RBFOX1: variants seen among roughly 807,000 people sequenced by gnomAD.
The protein encoded by RBFOX1 is RNA binding protein fox-1 homolog 1.
A neutral mutation model predicts 57.7 loss-of-function variants in RBFOX1; 8 were observed. The observed-to-expected ratio is 0.14, with a 90% confidence interval of 0.08 to 0.25. The LOEUF (loss-of-function observed/expected upper bound fraction) is 0.25. RBFOX1 is among the 10% of genes least tolerant of loss of function. The pLI is 1.00. For synonymous variants in RBFOX1, 326 were observed against 222.4 expected, an observed-to-expected ratio of 1.47 and a Z score of -4.15; for missense variants, 611 against 548.5, an observed-to-expected ratio of 1.11 and a Z score of -1.14.
chr16:6,477,280 C>T (rs117854911), intron 2 of RBFOX1, among the ~76,000 whole-genome samples: 2,619 of 152,174 alleles, frequency 0.017, 36 homozygotes, highest in Non-Finnish European at 0.027. Flanking sequence ...CAGAAGAATC[C>T]GTGTTTATGG....
intron 2 of RBFOX1, among the ~76,000 whole-genome samples, chr16:6,345,470 C>T (rs376095729): frequency 6.6e-6 from 1 of 152,160 alleles, no homozygotes. Flanking sequence ...GGCTGGTGTG[C>T]ATGTCTAATG....
At chr16:7,279,059 T>A (rs2095493728) in intron 4 of RBFOX1, among the ~76,000 whole-genome samples, 1 of 152,034 alleles carries the variant, frequency 6.6e-6, no homozygotes, top group Admixed American at 6.5e-5. Context: ...TTTTATCTAA[T>A]TCTAAAAGTG....
chr16:6,564,661 C>T (rs201613377), intron 2 of RBFOX1, among the ~76,000 whole-genome samples: 1 of 152,020 alleles, frequency 6.6e-6, no homozygotes, highest in East Asian at 1.9e-4. Flanking sequence ...AAATGGAGAG[C>T]TGTTGGTCAA....
rs546290152 is a variant in RBFOX1, at chr16:7,494,276, T to C, written c.28-23871T>C. Among the ~76,000 whole-genome samples, 118 of 152,268 alleles carry C rather than the reference T, an allele frequency of 7.7e-4. 1 individual carries two copies. Among genetic ancestry groups the C allele is most frequent in the African/African-American group, 2.6e-3 (109 of 41,554 alleles). On this transcript the variant is annotated intron_variant, in intron 4 of 15. Transcript: ENST00000550418. The stretch of plus-strand genomic sequence containing the variant: ...CATCCCATTAAATGCTTTTAGGTGA[T>C]TCAGAACCAAAGCTCAATTCAGTAT...
intron 1 of RBFOX1, among the ~76,000 whole-genome samples, chr16:6,296,051 C>G (rs947502217): frequency 1.3e-5 from 2 of 152,172 alleles, no homozygotes; most frequent in African/African-American, 2.4e-5. Flanking sequence ...GGAAGCTGAG[C>G]CCAGGATCTT....
intron 4 of RBFOX1, among the ~76,000 whole-genome samples, chr16:7,113,094 C>T (rs552957081): frequency 1.3e-5 from 2 of 152,272 alleles, no homozygotes; most frequent in Admixed American, 1.3e-4. Flanking sequence ...TTGCTTCAGG[C>T]ACATGTTGAA....
intron 2 of RBFOX1, among the ~76,000 whole-genome samples, chr16:6,335,374 G>T (rs530694267): frequency 6.6e-6 from 1 of 152,172 alleles, no homozygotes; most frequent in Non-Finnish European, 1.5e-5. Flanking sequence ...CCTCAGAGAA[G>T]AGAGCCAGGA....
rs544974048 is a variant in RBFOX1, at chr16:6,696,515, G to A, written c.-16+41865G>A. Among the ~76,000 whole-genome samples the A allele has an allele frequency of 2.6e-5, 4 of 152,206 alleles. No homozygotes were observed. The East Asian group carries it at 5.8e-4, about 22-fold the overall frequency. On this transcript the variant is annotated intron_variant, in intron 3 of 15. Transcript: ENST00000550418. ...TGAGATTCAGTTTTTCATTGTAGCC[G>A]AATTAGATGGAGAACTTCAAATATT... is the stretch of plus-strand genomic sequence containing the variant.
chr16:7,611,668 G>C (rs2057494889), intron 10 of RBFOX1, among the ~76,000 whole-genome samples: 2 of 152,150 alleles, frequency 1.3e-5, no homozygotes, highest in Admixed American at 6.5e-5. Context: ...GGGTGGGGTG[G>C]GGGCGAGGCA....
intron 1 of RBFOX1, among the ~76,000 whole-genome samples, chr16:5,272,231 C>G (rs1353915802): frequency 6.6e-6 from 1 of 152,164 alleles, no homozygotes; most frequent in Non-Finnish European, 1.5e-5. Flanking sequence ...ATGTCTCATC[C>G]TAAAAATTTT....
chr16:6,631,447 G>A (rs1271053911), intron 2 of RBFOX1, among the ~76,000 whole-genome samples: 1 of 151,802 alleles, frequency 6.6e-6, no homozygotes, highest in East Asian at 1.9e-4. Context: ...GTGACAGAGT[G>A]AGCTGTGTAG....
chr16:7,001,092 A>T (rs1001581366), intron 3 of RBFOX1, among the ~76,000 whole-genome samples: 3 of 152,190 alleles, frequency 2.0e-5, no homozygotes, highest in Admixed American at 6.5e-5. Context: ...GGTAGAGTTC[A>T]TGTGAGAAAA....
intron 3 of RBFOX1, among the ~76,000 whole-genome samples, chr16:6,743,875 C>T (rs985558817): frequency 6.7e-6 from 1 of 149,080 alleles, no homozygotes; most frequent in Non-Finnish European, 1.5e-5. Flanking sequence ...ACACATTTTC[C>T]TATACATTAA....
Position 7,384,394 on chromosome 16 carries a change from T to C in RBFOX1, c.28-133753T>C, listed in dbSNP as rs541419428. ...AACAGGCACCTTTATATTTATACCA[T>C]TACAAAAACATGGCTCTCCTGGTAT... On this transcript the variant is annotated intron_variant, in intron 4 of 15. Transcript: ENST00000550418. Among the ~76,000 whole-genome samples the C allele has an allele frequency of 3.3e-5, 5 of 152,302 alleles. No homozygotes were observed. In the East Asian group the frequency reaches 5.8e-4, roughly 18 times the overall value.
chr16:7,284,371 C>G (rs568564359), intron 4 of RBFOX1, among the ~76,000 whole-genome samples: 3 of 152,284 alleles, frequency 2.0e-5, no homozygotes, highest in South Asian at 2.1e-4. Context: ...TGCTCTGTAT[C>G]CCAGGCTGTA....
chr16:5,265,338 A>T (rs1277798228), intron 1 of RBFOX1, among the ~76,000 whole-genome samples: 1 of 132,350 alleles, frequency 7.6e-6, no homozygotes, highest in Non-Finnish European at 1.7e-5. Flanking sequence ...CTAGTGGTAG[A>T]ACCACCTTTT....
At chr16:7,395,474 A>G (rs914138185) in intron 4 of RBFOX1, among the ~76,000 whole-genome samples, 2 of 152,264 alleles carry the variant, frequency 1.3e-5, no homozygotes, top group South Asian at 2.1e-4. Context: ...TATCTGCAGT[A>G]AGAACATTTT....
At chr16:5,953,047 C>G (rs9936893) in intron 4 of RBFOX1, among the ~76,000 whole-genome samples, 78,536 of 148,326 alleles carry the variant, frequency 0.53, 21,627 homozygotes, top group African/African-American at 0.72. Context: ...GAATCTCCTG[C>G]GGAAGATTAT....
intron 2 of RBFOX1, among the ~76,000 whole-genome samples, chr16:6,374,158 C>T (rs1431119459): frequency 6.6e-6 from 1 of 152,214 alleles, no homozygotes; most frequent in African/African-American, 2.4e-5. Flanking sequence ...TTCATTGTCT[C>T]TGGATATTCA....
Sources: allele counts gnomAD v4.1 joint callset (sites outside exome capture counted in the v4.1 genomes callset), GRCh38; gene constraint gnomAD v4.1.1; transcripts MANE v1.5; gene names NCBI Gene and HGNC (gene_info 2026-07-23, HGNC 2026-07-21).